Variants in PTPRO observed in about 807,000 individuals in gnomAD.
The protein encoded by PTPRO is protein tyrosine phosphatase receptor type O.
In PTPRO, 62 loss-of-function variants were observed where a neutral mutation model predicts 145.2. The observed-to-expected ratio is 0.43, with a 90% CI of 0.35 to 0.53. The LOEUF is 0.53. Ranked by LOEUF, PTPRO falls within the 20% of genes least tolerant of loss-of-function variation. The pLI is 0.01. For missense variants in PTPRO, 1,345 were observed against 1,482.7 expected, an observed-to-expected ratio of 0.91 and a Z score of 1.53; for synonymous variants, 565 against 514.7, an observed-to-expected ratio of 1.10 and a Z score of -1.32.
intron 10 of PTPRO, among the ~76,000 whole-genome samples, chr12:15,523,956 C>A (rs944730462): frequency 8.6e-5 from 13 of 151,724 alleles, no homozygotes; most frequent in Non-Finnish European, 1.5e-4. Context: ...GCCACCATGC[C>A]CAGCTGAATC....
chr12:15,458,745 A>C (rs1441841302), intron 1 of PTPRO, among the ~76,000 whole-genome samples: 1 of 151,686 alleles, frequency 6.6e-6, no homozygotes, highest in African/African-American at 2.4e-5. Flanking sequence ...CACTTTGTTC[A>C]TGCATGTTCT....
intron 1 of PTPRO, among the ~76,000 whole-genome samples, chr12:15,462,135 T>C (rs1418966511): frequency 1.3e-5 from 2 of 152,148 alleles, no homozygotes; most frequent in Admixed American, 6.5e-5. Context: ...CTCATCTTTT[T>C]TCTTTTGAGA....
chr12:15,352,619 C>T (rs1937844403), intron 1 of PTPRO, among the ~76,000 whole-genome samples: 1 of 146,112 alleles, frequency 6.8e-6, no homozygotes, highest in Non-Finnish European at 1.5e-5. Context: ...CACTGCACTC[C>T]AGCCTGGGCG....
intron 13 of PTPRO, 29 bp from the exon 14 acceptor site, chr12:15,549,064 TA>T: frequency 6.2e-7 from 1 of 1,609,700 alleles, no homozygotes; most frequent in Non-Finnish European, 8.5e-7. Context: ...GAAGTTAACC[TA>T]AAATTTACCT....
intron 1 of PTPRO, among the ~76,000 whole-genome samples, chr12:15,402,703 C>T (rs1047969299): frequency 6.6e-6 from 1 of 151,782 alleles, no homozygotes; most frequent in African/African-American, 2.4e-5. Flanking sequence ...TTGTCATTTG[C>T]CTTTATGTTT....
At chr12:15,503,405 TA>T (rs1942259158) in intron 5 of PTPRO, among the ~76,000 whole-genome samples, 1 of 152,286 alleles carries the variant, frequency 6.6e-6, no homozygotes, top group East Asian at 1.9e-4. Context: ...CCATGATTAT[TA>T]TTTTTTTAAT....
intron 1 of PTPRO, among the ~76,000 whole-genome samples, chr12:15,454,725 T>C (rs1324484761): frequency 6.6e-6 from 1 of 152,212 alleles, no homozygotes; most frequent in African/African-American, 2.4e-5. Context: ...GTCTCGTGTT[T>C]AAGTCTTCAA....
intron 12 of PTPRO, among the ~76,000 whole-genome samples, chr12:15,545,671 C>T (rs1943269980): frequency 6.6e-6 from 1 of 152,034 alleles, no homozygotes; most frequent in Admixed American, 6.6e-5. Context: ...GATAAAATGT[C>T]TAAGATAAAA....
At chr12:15,579,671 T>C (rs922320888) in intron 20 of PTPRO, among the ~76,000 whole-genome samples, 1 of 152,218 alleles carries the variant, frequency 6.6e-6, no homozygotes, top group Non-Finnish European at 1.5e-5. Context: ...CTCCTTAAAG[T>C]AGTGAACTCT....
At position 15,595,003 on chromosome 12, in the gene PTPRO, A is replaced by G. The variant is rs752599022; in HGVS notation, c.3613A>G (p.Ile1205Val). The change falls in exon 26 of 27, where the codon ATC (isoleucine) becomes GTC (valine). Residue 1205 changes from isoleucine to valine, a missense_variant. This residue lies in a region of PTPRO where 208 missense variants were observed against 242.8 expected (regional missense o/e 0.86). Transcript: ENST00000281171. ...MWMKKKQQFC[I>V]SDVIYENVSK... ...GATGAAGAAGAAGCAGCAGTTCTGC[A>G]TCAGTGATGTCATATACGAGAATGT... 4.3e-6 allele frequency: 7 copies of G among 1,613,844 alleles called. No individual in the cohort carries two copies. The highest frequency in any genetic ancestry group is 1.3e-5 in the African/African-American group (1 of 74,946).
intron 1 of PTPRO, among the ~76,000 whole-genome samples, chr12:15,415,900 C>T (rs1248357862): frequency 6.6e-6 from 1 of 151,686 alleles, no homozygotes; most frequent in Admixed American, 6.6e-5. Context: ...TTATAATCAA[C>T]AGGTAACAAT....
intron 13 of PTPRO, among the ~76,000 whole-genome samples, chr12:15,547,537 T>C (rs1943326934): frequency 6.6e-6 from 1 of 152,226 alleles, no homozygotes; most frequent in South Asian, 2.1e-4. Flanking sequence ...GGAGTGCAAA[T>C]CTTTTCATAT....
intron 1 of PTPRO, among the ~76,000 whole-genome samples, chr12:15,352,728 T>C (rs1456463476): frequency 1.3e-5 from 2 of 151,734 alleles, no homozygotes; most frequent in Admixed American, 6.6e-5. Context: ...TTGTGAAATT[T>C]GGATTTCACA....
rs781631521 is a variant in PTPRO at position 15,586,889 on chromosome 12, C to G, written c.3256-8C>G. The G allele has an allele frequency of 6.2e-6, 10 of 1,613,920 alleles. 1 individual carries two copies. The South Asian group carries it at 1.1e-4, about 18-fold the overall frequency. ...ATTAATGCTTGTTTTTGGCTTTTTT[C>G]TCTAAAGGCTGACGAGATGCAGGAT... On this transcript the variant is annotated splice_region_variant and splice_polypyrimidine_tract_variant and intron_variant, in intron 23 of 26. Transcript: ENST00000281171.
At chr12:15,586,875 T>C (rs757346436) in intron 23 of PTPRO, 22 bp from the exon 24 acceptor site, 2 of 1,613,788 alleles carry the variant, frequency 1.2e-6, no homozygotes, top group South Asian at 2.2e-5. Context: ...TTAATGCTTG[T>C]TTTTGGCTTT....
At chr12:15,553,378 A>T (rs778568703) in intron 15 of PTPRO, among the ~76,000 whole-genome samples, 1 of 152,118 alleles carries the variant, frequency 6.6e-6, no homozygotes, top group Non-Finnish European at 1.5e-5. Flanking sequence ...GGGTCCTAGG[A>T]GGTGGGTAGG....
At chr12:15,425,195 A>G (rs1466652670) in intron 1 of PTPRO, among the ~76,000 whole-genome samples, 2 of 152,106 alleles carry the variant, frequency 1.3e-5, no homozygotes, top group African/African-American at 2.4e-5. Context: ...TATTTTGTCT[A>G]TGATTTTACC....
chr12:15,538,550 C>T (rs910061928), intron 12 of PTPRO, among the ~76,000 whole-genome samples: 5 of 152,262 alleles, frequency 3.3e-5, no homozygotes, highest in African/African-American at 1.2e-4. Flanking sequence ...AAAGGCATTT[C>T]TCCTGCCCAT....
Position 15,515,687 on chromosome 12 carries a change from C to T in PTPRO, c.1585+69C>T, listed in dbSNP as rs576450204. On this transcript the variant is annotated intron_variant, in intron 8 of 26. Transcript: ENST00000281171. ...GGTATTGACGGAGGGGTGCAATGTGCGAGCTCAAATCATTATCATCGTATT... is the reference window on the plus strand; with the variant it reads ...GGTATTGACGGAGGGGTGCAATGTGTGAGCTCAAATCATTATCATCGTATT... The T allele has an allele frequency of 3.3e-5, 53 of 1,588,328 alleles. 1 individual carries two copies. The highest frequency in any genetic ancestry group is 1.8e-4 in the South Asian group (16 of 90,488).
Sources: allele counts gnomAD v4.1 joint callset (sites outside exome capture counted in the v4.1 genomes callset), GRCh38; gene constraint gnomAD v4.1.1; regional missense constraint gnomAD v4.1.1; transcripts MANE v1.5; gene names NCBI Gene and HGNC (gene_info 2026-07-23, HGNC 2026-07-21).